Variants in PDE6B observed in about 807,000 individuals in gnomAD.
PDE6B encodes rod cGMP-specific 3',5'-cyclic phosphodiesterase subunit beta.
PDE6B carries 106 observed loss-of-function variants against 109.0 expected under a neutral mutation model. The observed-to-expected ratio is 0.97, with a 90% CI of 0.83 to 1.14. The LOEUF is 1.14. Among genes scored for constraint, PDE6B ranks in the 50% most tolerant of loss-of-function variants. The pLI is 0.00. For synonymous variants in PDE6B, 490 were observed against 471.3 expected, an observed-to-expected ratio of 1.04 and a Z score of -0.51; for missense variants, 1,193 against 1,155.6, an observed-to-expected ratio of 1.03 and a Z score of -0.47.
intron 3 of PDE6B, among the ~76,000 whole-genome samples, chr4:650,606 C>T (rs1735456929): frequency 6.6e-6 from 1 of 152,214 alleles, no homozygotes; most frequent in Non-Finnish European, 1.5e-5. Flanking sequence ...CCAGAACCAC[C>T]CAGGCACCAA....
intron 3 of PDE6B, among the ~76,000 whole-genome samples, chr4:647,706 A>G (rs1015611325): frequency 4.0e-5 from 6 of 151,878 alleles, no homozygotes; most frequent in Non-Finnish European, 5.9e-5. Context: ...TGAGGGCTTC[A>G]CAGATGCATG....
chr4:658,036 G>A (rs928384880), intron 10 of PDE6B, among the ~76,000 whole-genome samples: 2 of 141,528 alleles, frequency 1.4e-5, no homozygotes, highest in African/African-American at 5.6e-5. Context: ...TCATCCAGGG[G>A]TCACGGCTGT....
intron 3 of PDE6B, among the ~76,000 whole-genome samples, chr4:639,297 A>G (rs1007310135): frequency 5.3e-5 from 8 of 151,650 alleles, no homozygotes; most frequent in Non-Finnish European, 1.0e-4. Flanking sequence ...GGTGCACCCC[A>G]CCACACCTGG....
In PDE6B at chr4:634,939, G is replaced by A. The variant is rs372710194; in HGVS notation, c.621+110G>A. The A allele has an allele frequency of 3.2e-4, 284 of 881,410 alleles. 1 individual carries two copies. The East Asian group carries it at 5.3e-3, about 17-fold the overall frequency. The allele number at this position is 881,410 out of a possible 1,614,324, so 54.6% of individuals were successfully genotyped here. A position where few individuals can be genotyped will look rare whatever the true frequency, so the allele number is the denominator to read the frequency against. On this transcript the variant is annotated intron_variant, in intron 2 of 21. Transcript: ENST00000496514. ...TCTTTACCTGCCTGCCCGCCTGCCCGTGTGTTCTCTGCTGCGTGTCTGCCT... is the reference window on the plus strand; with the variant it reads ...TCTTTACCTGCCTGCCCGCCTGCCCATGTGTTCTCTGCTGCGTGTCTGCCT...
intron 17 of PDE6B, 42 bp downstream of exon 17, chr4:664,263 A>G: frequency 9.1e-7 from 1 of 1,098,496 alleles, no homozygotes; most frequent in African/African-American, 1.5e-5. Context: ...CTTCCCTCGC[A>G]GGGACCGGGC....
At chr4:650,628 G>A (rs962337302) in intron 3 of PDE6B, among the ~76,000 whole-genome samples, 2 of 152,212 alleles carry the variant, frequency 1.3e-5, no homozygotes, top group Non-Finnish European at 2.9e-5. Context: ...ACTCCCAGCA[G>A]TCAGGACAGA....
chr4:642,972 T>C (rs1449933403), intron 3 of PDE6B, among the ~76,000 whole-genome samples: 1 of 152,116 alleles, frequency 6.6e-6, no homozygotes, highest in Admixed American at 6.6e-5. Flanking sequence ...AATTATTATT[T>C]TCATACATTG....
rs1403205521 is a variant in PDE6B at position 636,299 on chromosome 4, C to G, written c.711+330C>G. Reference sequence around the variant, plus strand: ...GACGAGTGAGCAGGGAGCAGAGGGGCTCCCTGGCAGGTCCAGCCCTGGTTG... The same window carrying G: ...GACGAGTGAGCAGGGAGCAGAGGGGGTCCCTGGCAGGTCCAGCCCTGGTTG... On this transcript the variant is annotated intron_variant, in intron 3 of 21. Transcript: ENST00000496514. The surrounding 1 kb of genome is among the most constrained non-coding windows in gnomAD (Gnocchi z 4.5). Among the ~76,000 whole-genome samples the G allele has an allele frequency of 6.6e-6, 1 of 152,172 alleles. No individual in the cohort carries two copies. The highest frequency in any genetic ancestry group is 6.5e-5 in the Admixed American group (1 of 15,282).
chr4:638,480 G>A (rs895615572), intron 3 of PDE6B, among the ~76,000 whole-genome samples: 6 of 151,866 alleles, frequency 4.0e-5, no homozygotes, highest in African/African-American at 1.5e-4. Context: ...CCACCACCAC[G>A]CCCAGCTAGT....
chr4:657,704 G>C (rs528093606), intron 10 of PDE6B, among the ~76,000 whole-genome samples: 1 of 143,842 alleles, frequency 7.0e-6, no homozygotes, highest in African/African-American at 2.6e-5. Context: ...TCGTCCAGGG[G>C]TCACCCAGGG....
chr4:669,474 T>C (rs1738229703), intron 21 of PDE6B, among the ~76,000 whole-genome samples: 1 of 122,884 alleles, frequency 8.1e-6, no homozygotes, highest in East Asian at 2.3e-4. Context: ...CTATTCCCAC[T>C]ACGCCATGCT....
intron 11 of PDE6B, among the ~76,000 whole-genome samples, chr4:659,502 C>G (rs6858313): frequency 4.7e-5 from 7 of 149,166 alleles, no homozygotes; most frequent in Non-Finnish European, 1.0e-4. Context: ...CAAGTGTGTA[C>G]GTGTGTGTGC....
intron 3 of PDE6B, among the ~76,000 whole-genome samples, chr4:637,719 C>T (rs1300504237): frequency 6.6e-6 from 1 of 152,252 alleles, no homozygotes; most frequent in Non-Finnish European, 1.5e-5. Context: ...GGCAGCCGTG[C>T]TCTGCCAGCC....
At chr4:637,588 A>G (rs1223311062) in intron 3 of PDE6B, among the ~76,000 whole-genome samples, 1 of 152,116 alleles carries the variant, frequency 6.6e-6, no homozygotes, top group Non-Finnish European at 1.5e-5. Context: ...GCCATCAGCC[A>G]CTTCTCCAGG....
In PDE6B at chr4:670,543, G is replaced by C. The variant is rs1320509366; in HGVS notation, c.*436G>C. 4.6e-6 allele frequency: 1 copy of C among 215,858 alleles called. No homozygotes were observed. Among genetic ancestry groups the C allele is most frequent in the Non-Finnish European group, 9.5e-6 (1 of 105,498 alleles). The allele number at this position is 215,858 out of a possible 1,614,324, so 13.4% of individuals were successfully genotyped here. A position where few individuals can be genotyped will look rare whatever the true frequency, so the allele number is the denominator to read the frequency against. ...AGGCATGAGCCACCACGCCCAGCCT[G>C]TTTTTATAAACTGAAGCCAACTGTG... On this transcript the variant is annotated 3_prime_UTR_variant, in exon 22 of 22. Transcript: ENST00000496514.
At chr4:652,514 C>T (rs1323034068) in intron 3 of PDE6B, 17 of 984,222 alleles carry the variant, frequency 1.7e-5, no homozygotes, top group South Asian at 4.7e-5. Flanking sequence ...CGCTGTGTGG[C>T]GGCCACCACT....
In PDE6B at chr4:654,094, G is replaced by A; in HGVS notation, c.867G>A (p.Val289=). ...DMTKEKEFFD[V]WSVLMGESQP... ...TCTCTGCCCAGGAATTTTTTGACGT[G>A]TGGTCTGTGCTGATGGGAGAGTCCC... Residue 289 remains valine (V), a synonymous_variant, in exon 5 of 22, where the codon GTG becomes GTA. Coordinates refer to ENST00000496514, the MANE Select transcript of PDE6B (RefSeq NM_000283.4). 6 of 1,613,912 alleles carry A rather than the reference G, an allele frequency of 3.7e-6. No homozygotes were observed. The highest frequency in any genetic ancestry group is 5.1e-6 in the Non-Finnish European group (6 of 1,180,026).
intron 3 of PDE6B, among the ~76,000 whole-genome samples, chr4:649,165 G>A (rs1735365772): frequency 6.6e-6 from 1 of 152,230 alleles, no homozygotes; most frequent in Admixed American, 6.5e-5. Flanking sequence ...CAGTGGGGCG[G>A]GGCGGGTGAT....
intron 5 of PDE6B, 126 bp downstream of exon 5, chr4:654,280 CG>C (rs1560118999): frequency 2.4e-6 from 2 of 846,062 alleles, no homozygotes; most frequent in East Asian, 2.6e-5. Context: ...GGTGGGACCC[CG>C]GGTGCCTGTC....
Sources: gnomAD v4.1 joint callset for allele counts (sites outside exome capture counted in the v4.1 genomes callset) on GRCh38, gnomAD v4.1.1 for gene constraint, Gnocchi (gnomAD v3.1) non-coding constraint, MANE v1.5 for transcripts, NCBI Gene and HGNC (gene_info 2026-07-23, HGNC 2026-07-21) for gene names.